NFIA: variants seen among roughly 807,000 people sequenced by gnomAD.
NFIA encodes the protein nuclear factor 1 A-type.
A neutral mutation model predicts 62.8 loss-of-function variants in NFIA; 8 were observed. The observed-to-expected ratio is 0.13, with a 90% confidence interval of 0.07 to 0.23. NFIA has a LOEUF of 0.23. NFIA is among the 10% of genes least tolerant of loss of function. The pLI is 1.00. For synonymous variants in NFIA, 235 were observed against 238.1 expected, an observed-to-expected ratio of 0.99 and a Z score of 0.12; for missense variants, 410 against 642.1, an observed-to-expected ratio of 0.64 and a Z score of 3.91.
intron 2 of NFIA, among the ~76,000 whole-genome samples, chr1:61,242,065 T>G (rs1255601520): frequency 6.6e-6 from 1 of 152,214 alleles, no homozygotes; most frequent in Non-Finnish European, 1.5e-5. Flanking sequence ...GTTTTGCATT[T>G]GTTTACTTAA....
In NFIA at chr1:61,088,220, G is replaced by A; in HGVS notation, c.99G>A (p.Leu33=). ...VRAFAYTWFN[L]QARKRKYFKK... is the part of the protein sequence containing the mutation. ...CCTTTGCCTACACATGGTTCAACCT[G>A]CAGGCCCGAAAACGAAAATACTTCA... Residue 33 remains leucine (L), a synonymous_variant, in exon 2 of 11, where the codon CTG becomes CTA. Coordinates refer to ENST00000403491, the MANE Select transcript of NFIA (RefSeq NM_001134673.4). This position sits in a 1 kb window ranked among gnomAD's most constrained non-coding sequence, Gnocchi z 4.5. 6.2e-7 allele frequency: 1 copy of A among 1,613,702 alleles called. No homozygotes were observed. The highest frequency in any genetic ancestry group is 8.5e-7 in the Non-Finnish European group (1 of 1,179,936).
intron 9 of NFIA, among the ~76,000 whole-genome samples, chr1:61,418,693 T>C (rs114670671): frequency 1.5e-3 from 224 of 152,382 alleles, no homozygotes; most frequent in Middle Eastern, 3.4e-3. Context: ...CATTAACTTA[T>C]AAGTTGGTTC....
At chr1:61,384,550 A>G (rs1006289913) in intron 7 of NFIA, among the ~76,000 whole-genome samples, 1 of 152,088 alleles carries the variant, frequency 6.6e-6, no homozygotes, top group Non-Finnish European at 1.5e-5. Flanking sequence ...TAATTTGAAA[A>G]CCTGCATCAG....
At chr1:61,239,911 A>G (rs553918034) in intron 2 of NFIA, among the ~76,000 whole-genome samples, 1 of 152,218 alleles carries the variant, frequency 6.6e-6, no homozygotes, top group Non-Finnish European at 1.5e-5. Flanking sequence ...CATGTCTTTC[A>G]TTACTGTGCT....
chr1:61,343,942 AC>A (rs1483134012), intron 4 of NFIA, among the ~76,000 whole-genome samples: 1 of 152,116 alleles, frequency 6.6e-6, no homozygotes, highest in Non-Finnish European at 1.5e-5. Context: ...AATTACTTAC[AC>A]TGGTTTCTTT....
chr1:61,458,684 T>G lies in NFIA; in HGVS notation c.*3364T>G, dbSNP rs540105373. Reference sequence around the variant, plus strand: ...GGATTTAAGTTTAAAACTTTCCTGTTTCCTTTTTTTTTTTTTTTTTGTAAG... The same window carrying G: ...GGATTTAAGTTTAAAACTTTCCTGTGTCCTTTTTTTTTTTTTTTTTGTAAG... On this transcript the variant is annotated 3_prime_UTR_variant, in exon 11 of 11. Coordinates refer to ENST00000403491, the MANE Select transcript of NFIA (RefSeq NM_001134673.4). The G allele has an allele frequency of 7.0e-6, 1 of 143,866 alleles. No individual in the cohort carries two copies. Among genetic ancestry groups the G allele is most frequent in the Non-Finnish European group, 1.5e-5 (1 of 67,478 alleles). 8.9% of individuals were successfully genotyped at this position (143,866 alleles called of 1,614,324 possible).
chr1:61,202,182 G>A (rs115882681), intron 2 of NFIA, among the ~76,000 whole-genome samples: 2,488 of 152,214 alleles, frequency 0.016, 31 homozygotes, highest in Non-Finnish European at 0.028. Flanking sequence ...GAATTAAAGC[G>A]TTATCTCCCT....
At chr1:61,211,088 A>C (rs1201172348) in intron 2 of NFIA, among the ~76,000 whole-genome samples, 6 of 152,188 alleles carry the variant, frequency 3.9e-5, no homozygotes, top group African/African-American at 1.4e-4. Flanking sequence ...GCTTATGGGT[A>C]TCTTAGTATA....
chr1:61,281,870 C>A (rs571588091), intron 3 of NFIA, among the ~76,000 whole-genome samples: 1 of 152,128 alleles, frequency 6.6e-6, no homozygotes, highest in Non-Finnish European at 1.5e-5. Flanking sequence ...TTAATGGGTA[C>A]CTAGTACTTA....
At chr1:61,190,059 G>A (rs1262780309) in intron 2 of NFIA, among the ~76,000 whole-genome samples, 1 of 152,178 alleles carries the variant, frequency 6.6e-6, no homozygotes, top group Non-Finnish European at 1.5e-5. Context: ...TATTTTAATA[G>A]CATTGGTTGA....
Position 61,291,618 on chromosome 1 carries a change from A to T in NFIA, c.625+14033A>T, listed in dbSNP as rs139919727. 4.9e-3 allele frequency among the ~76,000 whole-genome samples: 741 copies of T among 152,326 alleles called. 2 individuals carry two copies. Among genetic ancestry groups the T allele is most frequent in the Non-Finnish European group, 8.4e-3 (569 of 68,024 alleles). On this transcript the variant is annotated intron_variant, in intron 3 of 10. Transcript: ENST00000403491. The stretch of plus-strand genomic sequence containing the variant: ...GAGGCACATGTTCATGATCAATAGC[A>T]AGTGAGTGCCTGCTTCATCTTTCTT...
chr1:61,375,296 A>T (rs1249336845), intron 6 of NFIA, among the ~76,000 whole-genome samples: 1 of 152,076 alleles, frequency 6.6e-6, no homozygotes, highest in African/African-American at 2.4e-5. Flanking sequence ...GAGAAATGTC[A>T]CTGAAATTTA....
At chr1:61,215,203 T>G (rs1448250039) in intron 2 of NFIA, among the ~76,000 whole-genome samples, 4 of 152,208 alleles carry the variant, frequency 2.6e-5, no homozygotes, top group Non-Finnish European at 5.9e-5. Flanking sequence ...ATTGTCGAAC[T>G]GCTCAAAATG....
intron 2 of NFIA, among the ~76,000 whole-genome samples, chr1:61,104,873 T>C (rs1320213791): frequency 6.6e-6 from 1 of 152,072 alleles, no homozygotes; most frequent in Non-Finnish European, 1.5e-5. Flanking sequence ...TGTGCTTTCA[T>C]AGAATGCTAA....
At chr1:61,109,975 G>A (rs976848642) in intron 2 of NFIA, among the ~76,000 whole-genome samples, 5 of 151,936 alleles carry the variant, frequency 3.3e-5, no homozygotes, top group African/African-American at 1.2e-4. Context: ...TATCTTTTAA[G>A]TATAATGTAT....
At chr1:61,307,295 C>T (rs895795655) in intron 3 of NFIA, among the ~76,000 whole-genome samples, 4 of 152,134 alleles carry the variant, frequency 2.6e-5, no homozygotes, top group African/African-American at 9.7e-5. Flanking sequence ...ATAAAGAGAA[C>T]ACAGAGAGCT....
rs531622946 is a variant in NFIA, at chr1:61,146,157, T to G, written c.559+57477T>G. ...CTGCATCACTGCATTTGAGCTCCGC[T>G]TCCTTCTCCTGGACCTTTGACCCTC... On this transcript the variant is annotated intron_variant, in intron 2 of 10. Coordinates refer to ENST00000403491, the MANE Select transcript of NFIA (RefSeq NM_001134673.4). Among the ~76,000 whole-genome samples, 5 of 152,318 alleles carry G rather than the reference T, an allele frequency of 3.3e-5. No homozygotes were observed. In the South Asian group the frequency reaches 1.0e-3, roughly 32 times the overall value.
intron 2 of NFIA, among the ~76,000 whole-genome samples, chr1:61,217,368 G>A (rs1442513787): frequency 6.6e-6 from 1 of 151,836 alleles, no homozygotes. Flanking sequence ...CTGCCTGGCC[G>A]ATTAAACTTT....
chr1:61,401,484 G>A (rs1665554180), intron 7 of NFIA, among the ~76,000 whole-genome samples: 1 of 152,150 alleles, frequency 6.6e-6, no homozygotes, highest in South Asian at 2.1e-4. Context: ...AGATGACAGG[G>A]TGCTTTTGAG....
Sources: allele counts gnomAD v4.1 joint callset (sites outside exome capture counted in the v4.1 genomes callset), GRCh38; gene constraint gnomAD v4.1.1; non-coding constraint Gnocchi (gnomAD v3.1); transcripts MANE v1.5; gene names NCBI Gene and HGNC (gene_info 2026-07-23, HGNC 2026-07-21).